Variants in LHFPL6 observed in about 807,000 individuals in gnomAD.
The protein encoded by LHFPL6 is LHFPL tetraspan subfamily member 6.
Under a neutral mutation model 20.6 loss-of-function variants are expected in LHFPL6, and 9 were observed. The ratio of observed to expected loss-of-function variants is 0.44; its 90% CI spans 0.26 to 0.76. The LOEUF is 0.76. Ranked by LOEUF, LHFPL6 falls within the 30% of genes least tolerant of loss-of-function variation. The probability of loss-of-function intolerance (pLI) is 0.20; values close to 1 mark genes in which losing one functional copy is unlikely to be tolerated. For missense variants in LHFPL6, 218 were observed against 253.5 expected (o/e 0.86, Z 0.95); for synonymous variants, 105 against 98.7 (o/e 1.06, Z -0.38).
At chr13:39,442,805 A>C (rs1035191635) in intron 2 of LHFPL6, among the ~76,000 whole-genome samples, 4 of 151,978 alleles carry the variant, frequency 2.6e-5, no homozygotes, top group African/African-American at 9.7e-5. Context: ...TCCTTCTTAA[A>C]ACTCCATCCC....
In LHFPL6 at chr13:39,536,794, A is replaced by C. The variant is rs371702646; in HGVS notation, c.385+64038T>G. ...TTAATAGTGAATCAGTCAGTAATTA[A>C]TCCAGTTCTGATTTACCTCTTGTCT... On this transcript the variant is annotated intron_variant, in intron 2 of 3. Coordinates refer to ENST00000379589, the MANE Select transcript of LHFPL6 (RefSeq NM_005780.3). Among the ~76,000 whole-genome samples, 64 of 152,342 alleles carry C rather than the reference A, an allele frequency of 4.2e-4. 4 individuals carry two copies. Among genetic ancestry groups the C allele is most frequent in the East Asian group, 3.5e-3 (18 of 5,180 alleles).
chr13:39,508,467 T>G (rs370949119), intron 2 of LHFPL6, among the ~76,000 whole-genome samples: 1 of 152,202 alleles, frequency 6.6e-6, no homozygotes, highest in Admixed American at 6.5e-5. Context: ...TACTTTGTAA[T>G]TTCTTCCTCC....
Position 39,360,250 on chromosome 13 carries a change from A to G in LHFPL6, c.485-16196T>C, listed in dbSNP as rs1317078724. On this transcript the variant is annotated intron_variant, in intron 3 of 3. Coordinates refer to ENST00000379589, the MANE Select transcript of LHFPL6 (RefSeq NM_005780.3). ...TAGCCAGGATGGTCTCGATCTCCTG[A>G]CCTCGTGATCCGCCTGCCTCAGCCT... is the stretch of plus-strand genomic sequence containing the variant. Among the ~76,000 whole-genome samples, 2 of 96,970 alleles carry G rather than the reference A, an allele frequency of 2.1e-5. 1 individual carries two copies. Among genetic ancestry groups the G allele is most frequent in the Admixed American group, 2.4e-4 (2 of 8,440 alleles). The allele number at this position is 96,970 out of a possible 152,430, so 63.6% of individuals were successfully genotyped here.
At chr13:39,516,678 T>C (rs1869931498) in intron 2 of LHFPL6, among the ~76,000 whole-genome samples, 1 of 152,196 alleles carries the variant, frequency 6.6e-6, no homozygotes, top group Non-Finnish European at 1.5e-5. Flanking sequence ...ATTAACATGC[T>C]CGATAACCTT....
intron 2 of LHFPL6, among the ~76,000 whole-genome samples, chr13:39,483,257 C>G (rs976784221): frequency 2.0e-5 from 3 of 152,046 alleles, no homozygotes; most frequent in Non-Finnish European, 4.4e-5. Flanking sequence ...AGTCTCTGCC[C>G]TGTTCCAGCT....
At chr13:39,351,845 C>A (rs1023815059) in intron 3 of LHFPL6, among the ~76,000 whole-genome samples, 2 of 152,156 alleles carry the variant, frequency 1.3e-5, no homozygotes, top group Admixed American at 1.3e-4. Context: ...TGTTTCTGTA[C>A]CTCACTTCTG....
chr13:39,369,588 T>TTCCTTCCTTCCTTCCTTCCTTCCCTCCC (rs1566095645), intron 3 of LHFPL6, among the ~76,000 whole-genome samples: 1 of 146,856 alleles, frequency 6.8e-6, no homozygotes, highest in African/African-American at 2.5e-5. Context: ...CCTTCCTTCC[T>TTCCTTCCTTCCTTCCTTCCTTCCCTCCC]TCCTTCCTTC....
chr13:39,397,326 C>T (rs957622645), intron 2 of LHFPL6, among the ~76,000 whole-genome samples: 6 of 152,152 alleles, frequency 3.9e-5, no homozygotes, highest in African/African-American at 1.4e-4. Flanking sequence ...CACATAACAC[C>T]ATCAATCTCT....
intron 2 of LHFPL6, among the ~76,000 whole-genome samples, chr13:39,519,116 A>G (rs903171249): frequency 9.2e-5 from 14 of 152,220 alleles, no homozygotes; most frequent in African/African-American, 3.4e-4. Context: ...AGCGCCTGTA[A>G]TCCCAGCTAC....
intron 3 of LHFPL6, among the ~76,000 whole-genome samples, chr13:39,368,764 A>T (rs1192693433): frequency 1.3e-5 from 2 of 152,254 alleles, no homozygotes; most frequent in Admixed American, 1.3e-4. Flanking sequence ...TAACTGTGAC[A>T]TAAAACAATT....
intron 3 of LHFPL6, among the ~76,000 whole-genome samples, chr13:39,361,321 T>A (rs182351463): frequency 0.019 from 2,056 of 107,706 alleles, 563 homozygotes; most frequent in African/African-American, 0.053. Flanking sequence ...TAATTTTTTT[T>A]ATTTTTTTTT....
intron 2 of LHFPL6, among the ~76,000 whole-genome samples, chr13:39,525,513 C>T (rs540236022): frequency 1.3e-5 from 2 of 152,120 alleles, no homozygotes; most frequent in Non-Finnish European, 2.9e-5. Context: ...ATAAATGTAA[C>T]GTCACTCACT....
chr13:39,421,152 T>C (rs1191113850), intron 2 of LHFPL6, among the ~76,000 whole-genome samples: 1 of 152,202 alleles, frequency 6.6e-6, no homozygotes, highest in Non-Finnish European at 1.5e-5. Flanking sequence ...TCTCCTGTTA[T>C]ATCCCCTAAA....
At chr13:39,402,691 C>T (rs1871023055) in intron 2 of LHFPL6, among the ~76,000 whole-genome samples, 1 of 152,058 alleles carries the variant, frequency 6.6e-6, no homozygotes, top group South Asian at 2.1e-4. Flanking sequence ...GAAAAGCAAC[C>T]CTAAAAATGA....
chr13:39,579,237 G>A (rs1872207709), intron 2 of LHFPL6, among the ~76,000 whole-genome samples: 2 of 152,116 alleles, frequency 1.3e-5, no homozygotes, highest in African/African-American at 4.8e-5. Flanking sequence ...ATGCAGGAAG[G>A]GAGCCCAGGC....
chr13:39,387,244 G>A (rs1351205732), intron 2 of LHFPL6, among the ~76,000 whole-genome samples: 3 of 151,882 alleles, frequency 2.0e-5, no homozygotes, highest in Admixed American at 1.3e-4. Flanking sequence ...TCCAGATATC[G>A]ACTCATAGTT....
At chr13:39,520,757 C>T (rs1182700420) in intron 2 of LHFPL6, among the ~76,000 whole-genome samples, 2 of 152,170 alleles carry the variant, frequency 1.3e-5, no homozygotes, top group Non-Finnish European at 2.9e-5. Flanking sequence ...TCTCTCCTGC[C>T]TGAGGTACAA....
chr13:39,585,386 TTGTG>T (rs1872417612), intron 2 of LHFPL6, among the ~76,000 whole-genome samples: 1 of 152,254 alleles, frequency 6.6e-6, no homozygotes, highest in Non-Finnish European at 1.5e-5. Context: ...AGAGTACGTT[TTGTG>T]TGTCACGGCC....
chr13:39,573,123 A>G (rs1457322105), intron 2 of LHFPL6, among the ~76,000 whole-genome samples: 1 of 152,204 alleles, frequency 6.6e-6, no homozygotes, highest in Non-Finnish European at 1.5e-5. Flanking sequence ...GTAAAAATGT[A>G]TGGTATAGGA....
Sources: gnomAD v4.1 joint callset for allele counts (sites outside exome capture counted in the v4.1 genomes callset) on GRCh38, gnomAD v4.1.1 for gene constraint, MANE v1.5 for transcripts, NCBI Gene and HGNC (gene_info 2026-07-23, HGNC 2026-07-21) for gene names.